NKAIN2: variants seen among roughly 807,000 people sequenced by gnomAD.
The protein encoded by NKAIN2 is sodium/potassium-transporting ATPase subunit beta-1-interacting protein 2.
NKAIN2 carries 14 observed loss-of-function variants against 32.6 expected under a neutral mutation model. The observed-to-expected ratio is 0.43, with a 90% CI of 0.28 to 0.67. The LOEUF (loss-of-function observed/expected upper bound fraction) is 0.67, where lower values mean the gene tolerates loss of function less well. Among genes scored for constraint, NKAIN2 ranks in the 30% least tolerant of loss-of-function variants. The pLI is 0.17. For missense variants in NKAIN2, 198 were observed against 258.3 expected (o/e 0.77, Z 1.60); for synonymous variants, 80 against 87.2 (o/e 0.92, Z 0.46).
chr6:123,997,597 C>CTTTTTTTTTTTTTTTTTT (rs545393601), intron 1 of NKAIN2, among the ~76,000 whole-genome samples: 1 of 98,258 alleles, frequency 1.0e-5, no homozygotes, highest in Non-Finnish European at 1.9e-5. Context: ...GGAGTTTATT[C>CTTTTTTTTTTTTTTTTTT]TTTTTTTTTT....
At chr6:124,638,153 A>G (rs946687630) in intron 3 of NKAIN2, among the ~76,000 whole-genome samples, 1 of 152,190 alleles carries the variant, frequency 6.6e-6, no homozygotes, top group Non-Finnish European at 1.5e-5. Context: ...CCAAGAACAT[A>G]CATTGGAGAA....
chr6:124,371,091 TA>T (rs146625672), intron 3 of NKAIN2, among the ~76,000 whole-genome samples: 2,464 of 152,058 alleles, frequency 0.016, 83 homozygotes, highest in African/African-American at 0.057. Context: ...CAATGAAAAA[TA>T]AAAAACAAAG....
At chr6:124,671,345 T>C (rs1210053343) in intron 4 of NKAIN2, among the ~76,000 whole-genome samples, 1 of 152,110 alleles carries the variant, frequency 6.6e-6, no homozygotes, top group Non-Finnish European at 1.5e-5. Flanking sequence ...CAGCAAACTT[T>C]CTTTTCCATT....
At chr6:123,838,834 G>C (rs188342575) in intron 1 of NKAIN2, among the ~76,000 whole-genome samples, 13 of 152,300 alleles carry the variant, frequency 8.5e-5, no homozygotes, top group Admixed American at 8.5e-4. Context: ...ATTTCACCCT[G>C]TATGCTAGAA....
intron 4 of NKAIN2, among the ~76,000 whole-genome samples, chr6:124,761,558 A>G (rs1778266894): frequency 6.6e-6 from 1 of 152,206 alleles, no homozygotes; most frequent in South Asian, 2.1e-4. Context: ...CATAGCTTGT[A>G]TCTTGACAAA....
chr6:124,779,198 C>T (rs1011419509), intron 4 of NKAIN2, among the ~76,000 whole-genome samples: 6 of 147,734 alleles, frequency 4.1e-5, no homozygotes, highest in Admixed American at 6.9e-5. Context: ...GAGCAGAGAT[C>T]GTGCCACTGC....
chr6:124,090,250 T>G (rs573346078), intron 1 of NKAIN2, among the ~76,000 whole-genome samples: 114 of 152,112 alleles, frequency 7.5e-4, no homozygotes, highest in Non-Finnish European at 1.0e-3. Context: ...ACATAACCTA[T>G]TTTAGATTCT....
At chr6:124,273,273 G>A (rs1794882302) in intron 1 of NKAIN2, among the ~76,000 whole-genome samples, 1 of 150,692 alleles carries the variant, frequency 6.6e-6, no homozygotes, top group Non-Finnish European at 1.5e-5. Context: ...GATCCTGGGG[G>A]CAGTTTCCCC....
intron 1 of NKAIN2, among the ~76,000 whole-genome samples, chr6:124,182,174 C>T (rs1179770378): frequency 1.3e-5 from 2 of 152,186 alleles, no homozygotes; most frequent in African/African-American, 2.4e-5. Context: ...CATCGTATCT[C>T]ATGAGACTCA....
intron 1 of NKAIN2, among the ~76,000 whole-genome samples, chr6:124,275,989 T>C (rs1795012369): frequency 6.6e-6 from 1 of 152,072 alleles, no homozygotes. Flanking sequence ...GTGGGCCGCC[T>C]GTAGTCACAT....
intron 3 of NKAIN2, among the ~76,000 whole-genome samples, chr6:124,525,014 A>G (rs1779259387): frequency 1.3e-5 from 2 of 152,222 alleles, no homozygotes; most frequent in Non-Finnish European, 2.9e-5. Flanking sequence ...CTGGGAAGAT[A>G]AGAACTGCAG....
intron 4 of NKAIN2, among the ~76,000 whole-genome samples, chr6:124,673,067 C>T (rs958810227): frequency 6.6e-6 from 1 of 152,018 alleles, no homozygotes; most frequent in Non-Finnish European, 1.5e-5. Context: ...AAGCTTCTGG[C>T]ACCCACCATC....
rs61588781 is a variant in NKAIN2, at chr6:124,369,880, A to ATTTTT, written c.273+14547_273+14551dup. 1.1e-3 allele frequency among the ~76,000 whole-genome samples: 88 copies of ATTTTT among 82,372 alleles called. 3 individuals are homozygous for ATTTTT. Among genetic ancestry groups the ATTTTT allele is most frequent in the African/African-American group, 4.3e-3 (75 of 17,518 alleles). The allele number at this position is 82,372 out of a possible 152,430, so 54.0% of individuals were successfully genotyped here. A position where few individuals can be genotyped will look rare whatever the true frequency, so the allele number is the denominator to read the frequency against. On this transcript the variant is annotated intron_variant, in intron 3 of 6. Transcript: ENST00000368417. ...ATTTGCTTTAGAGGGCAGAATGTCA[A>ATTTTT]TTTTTTTTTTTTTTTTTTAACCTGT...
At chr6:124,598,041 T>C (rs1159829563) in intron 3 of NKAIN2, among the ~76,000 whole-genome samples, 1 of 152,174 alleles carries the variant, frequency 6.6e-6, no homozygotes, top group Non-Finnish European at 1.5e-5. Flanking sequence ...CATCTAACTT[T>C]GAAGCTGTCT....
chr6:124,190,592 T>C (rs529701019), intron 1 of NKAIN2, among the ~76,000 whole-genome samples: 2 of 152,336 alleles, frequency 1.3e-5, no homozygotes, highest in South Asian at 2.1e-4. Flanking sequence ...TAAATATCTT[T>C]AGTGGTGCAA....
At chr6:124,691,429 C>T (rs890553144) in intron 4 of NKAIN2, among the ~76,000 whole-genome samples, 1 of 152,118 alleles carries the variant, frequency 6.6e-6, no homozygotes, top group Non-Finnish European at 1.5e-5. Context: ...CTCCCTGTCA[C>T]TACTGTACAA....
chr6:124,695,642 G>A (rs1774461952), intron 4 of NKAIN2, among the ~76,000 whole-genome samples: 2 of 152,122 alleles, frequency 1.3e-5, no homozygotes, highest in Non-Finnish European at 2.9e-5. Context: ...TGACTTGAAA[G>A]GACATTTATT....
chr6:123,992,140 G>C (rs904058524), intron 1 of NKAIN2, among the ~76,000 whole-genome samples: 1 of 152,148 alleles, frequency 6.6e-6, no homozygotes, highest in Non-Finnish European at 1.5e-5. Flanking sequence ...TGGAAGGCAG[G>C]ATAGTAGGGA....
intron 3 of NKAIN2, among the ~76,000 whole-genome samples, chr6:124,543,174 A>G (rs1008391653): frequency 2.0e-5 from 3 of 152,194 alleles, no homozygotes; most frequent in African/African-American, 7.2e-5. Context: ...GGTATATGCT[A>G]TGCCTACCAA....
Sources: allele counts gnomAD v4.1 joint callset (sites outside exome capture counted in the v4.1 genomes callset), GRCh38; gene constraint gnomAD v4.1.1; transcripts MANE v1.5; gene names NCBI Gene and HGNC (gene_info 2026-07-23, HGNC 2026-07-21).